PIAS2: variants seen among roughly 807,000 people sequenced by gnomAD.
PIAS2 encodes the protein E3 SUMO-protein ligase PIAS2.
A neutral mutation model predicts 69.7 loss-of-function variants in PIAS2; 19 were observed. That is an observed-to-expected ratio of 0.27 (90% CI 0.19 to 0.40). The LOEUF (loss-of-function observed/expected upper bound fraction) is 0.40, where lower values mean the gene tolerates loss of function less well. Among genes scored for constraint, PIAS2 ranks in the 10% least tolerant of loss-of-function variants. PIAS2 has a pLI of 1.00. For missense variants in PIAS2, 624 were observed against 757.0 expected, an observed-to-expected ratio of 0.82 and a Z score of 2.06; for synonymous variants, 261 against 263.2, an observed-to-expected ratio of 0.99 and a Z score of 0.08.
At chr18:46,841,966 T>C (rs2045462665) in intron 8 of PIAS2, among the ~76,000 whole-genome samples, 1 of 152,200 alleles carries the variant, frequency 6.6e-6, no homozygotes, top group Admixed American at 6.5e-5. Context: ...AGATGGCTCA[T>C]GCCTGTAATC....
rs1392564680 is a variant in PIAS2 at position 46,846,759 on chromosome 18, G to A, written c.809C>T (p.Ser270Phe). ...GGAAATTTGGTTTGGCACAGCTGAA[G>A]ATAACCTAACTAAAGATGTAATATT... is the stretch of plus-strand genomic sequence containing the variant. ...PLNITSLVRL[S>F]SAVPNQISIS... is the part of the protein sequence containing the mutation. Residue 270 changes from serine to phenylalanine, a missense_variant, in exon 6 of 14, where the codon TCT becomes TTT. Physicochemically the swap from Ser to Phe is radical, Grantham distance 155. This residue lies in a region of PIAS2 where 339 missense variants were observed against 408.8 expected (regional missense o/e 0.83). Coordinates refer to ENST00000585916, the MANE Select transcript of PIAS2 (RefSeq NM_004671.5). 1 of 1,612,772 alleles carries A rather than the reference G, an allele frequency of 6.2e-7. No homozygotes were observed. Among genetic ancestry groups the A allele is most frequent in the Non-Finnish European group, 8.5e-7 (1 of 1,179,454 alleles).
At chr18:46,893,782 T>C (rs1669769987) in intron 1 of PIAS2, among the ~76,000 whole-genome samples, 1 of 152,102 alleles carries the variant, frequency 6.6e-6, no homozygotes, top group Admixed American at 6.6e-5. Flanking sequence ...AGTCATTTCA[T>C]CCCTCTGGTC....
At chr18:46,903,383 T>C (rs1307822407) in intron 1 of PIAS2, 1 of 151,192 alleles carries the variant, frequency 6.6e-6, no homozygotes, top group Non-Finnish European at 1.5e-5. Flanking sequence ...AGAATTCAAT[T>C]AGAAAAAGGA....
intron 6 of PIAS2, among the ~76,000 whole-genome samples, chr18:46,845,631 T>TAA (rs772476218): frequency 1.4e-5 from 2 of 145,410 alleles, no homozygotes; most frequent in Admixed American, 6.9e-5. Context: ...ACATAAATGT[T>TAA]AAAAAAAAAA....
At chr18:46,862,379 T>G (rs896338764) in intron 3 of PIAS2, among the ~76,000 whole-genome samples, 1 of 152,162 alleles carries the variant, frequency 6.6e-6, no homozygotes, top group African/African-American at 2.4e-5. Flanking sequence ...CCAAACTTAC[T>G]TAACTGCAAC....
At chr18:46,920,004 C>T (rs2058444183), upstream of PIAS2, 3 of 1,213,886 alleles carry the variant, frequency 2.5e-6, no homozygotes, top group African/African-American at 1.6e-5. Context: ...ATAAAGAGGA[C>T]CAACATAAAC....
chr18:46,816,670 G>T, intron 12 of PIAS2: 1 of 305,232 alleles, frequency 3.3e-6, no homozygotes, highest in Non-Finnish European at 4.8e-6. Flanking sequence ...GTCTCGCTAT[G>T]TTGCCTAGGT....
At chr18:46,911,858 C>A (rs1174879505) in intron 1 of PIAS2, among the ~76,000 whole-genome samples, 1 of 152,206 alleles carries the variant, frequency 6.6e-6, no homozygotes, top group Non-Finnish European at 1.5e-5. Context: ...CAAGACCAGC[C>A]TGACCAACAT....
intron 5 of PIAS2, 146 bp from the exon 6 acceptor site, chr18:46,846,987 C>A: frequency 1.7e-6 from 1 of 599,328 alleles, no homozygotes; most frequent in Non-Finnish European, 2.5e-6. Flanking sequence ...TGATCATTAT[C>A]AACCCAAAAT....
chr18:46,860,096 G>T (rs1358517190), intron 3 of PIAS2, among the ~76,000 whole-genome samples: 1 of 152,208 alleles, frequency 6.6e-6, no homozygotes, highest in Admixed American at 6.5e-5. Context: ...TACCACTACA[G>T]GCAAAGGGGA....
chr18:46,898,296 C>T (rs1310711568), intron 1 of PIAS2, among the ~76,000 whole-genome samples: 1 of 151,986 alleles, frequency 6.6e-6, no homozygotes, highest in Non-Finnish European at 1.5e-5. Flanking sequence ...TACTGGCACA[C>T]ACCACCACAC....
rs762572955 is a variant in PIAS2 at position 46,855,614 on chromosome 18, C to T, written c.586G>A (p.Asp196Asn). ...QQVREICISR[D>N]FLPGGRRDYT... is the part of the protein sequence containing the mutation. Reference sequence around the variant, plus strand: ...TCTCTCCTACCACCTGGCAAAAAATCCCTGTTGGAAAGAGAAAGAAAATGG... The same window carrying T: ...TCTCTCCTACCACCTGGCAAAAAATTCCTGTTGGAAAGAGAAAGAAAATGG... The change falls in exon 4 of 14, where the codon GAT (aspartate) becomes AAT (asparagine). Residue 196 changes from aspartate (D) to asparagine (N), a missense_variant and splice_region_variant. This residue lies in a region of PIAS2 where 339 missense variants were observed against 408.8 expected (regional missense o/e 0.83). Coordinates refer to ENST00000585916, the MANE Select transcript of PIAS2 (RefSeq NM_004671.5). 1 of 1,612,026 alleles carries T rather than the reference C, an allele frequency of 6.2e-7. No individual in the cohort carries two copies. The highest frequency in any genetic ancestry group is 1.3e-5 in the African/African-American group (1 of 74,806).
intron 1 of PIAS2, 59 bp from the exon 2 acceptor site, chr18:46,891,113 T>C: frequency 1.6e-6 from 2 of 1,214,318 alleles, no homozygotes; most frequent in Admixed American, 2.2e-5. Flanking sequence ...AAAAATCCTA[T>C]CTAAAATATA....
intron 5 of PIAS2, among the ~76,000 whole-genome samples, chr18:46,852,091 C>T (rs1028081361): frequency 1.3e-5 from 2 of 152,198 alleles, no homozygotes; most frequent in African/African-American, 2.4e-5. Context: ...TATAGGGCCA[C>T]AGCAGCTTTC....
intron 2 of PIAS2, among the ~76,000 whole-genome samples, chr18:46,881,278 A>G (rs2052201600): frequency 6.6e-6 from 1 of 152,146 alleles, no homozygotes; most frequent in South Asian, 2.1e-4. Flanking sequence ...TCCAGGGCTT[A>G]CTCAGTTCAA....
chr18:46,820,569 A>G (rs2042057223), intron 12 of PIAS2, among the ~76,000 whole-genome samples: 1 of 152,148 alleles, frequency 6.6e-6, no homozygotes, highest in African/African-American at 2.4e-5. Flanking sequence ...CAACATCAAT[A>G]TATTCTGAAG....
chr18:46,919,047 C>G (rs1385971342), upstream of PIAS2, among the ~76,000 whole-genome samples: 2 of 150,624 alleles, frequency 1.3e-5, no homozygotes, highest in Admixed American at 6.6e-5. Context: ...TATATATACA[C>G]AACACACACA....
At chr18:46,915,729 A>G (rs914199639) in intron 1 of PIAS2, 3 of 152,054 alleles carry the variant, frequency 2.0e-5, no homozygotes, top group African/African-American at 7.2e-5. Flanking sequence ...TTCGCTTTAC[A>G]TTAAGCTTTG....
intron 3 of PIAS2, among the ~76,000 whole-genome samples, chr18:46,861,844 C>A (rs1457745556): frequency 6.6e-6 from 1 of 152,052 alleles, no homozygotes; most frequent in Non-Finnish European, 1.5e-5. Flanking sequence ...TATCTAGGAA[C>A]AGAAGACGTT....
Sources: gnomAD v4.1 joint callset for allele counts (sites outside exome capture counted in the v4.1 genomes callset) on GRCh38, gnomAD v4.1.1 for gene constraint, gnomAD v4.1.1 regional missense constraint, MANE v1.5 for transcripts, NCBI Gene and HGNC (gene_info 2026-07-23, HGNC 2026-07-21) for gene names.